Variants in EBF1 observed in about 807,000 individuals in gnomAD.
EBF1 encodes EBF transcription factor 1, also known as transcription factor COE1.
Under a neutral mutation model 68.4 loss-of-function variants are expected in EBF1, and 10 were observed. The ratio of observed to expected loss-of-function variants is 0.15; its 90% CI spans 0.09 to 0.25. The LOEUF is 0.25. EBF1 is among the 10% of genes least tolerant of loss of function. EBF1 has a pLI of 1.00. For missense variants in EBF1, 509 were observed against 794.4 expected (o/e 0.64, Z 4.32); for synonymous variants, 298 against 299.8 (o/e 0.99, Z 0.06).
intron 5 of EBF1, among the ~76,000 whole-genome samples, chr5:159,075,073 G>A (rs141345241): frequency 1.3e-4 from 20 of 152,256 alleles, no homozygotes; most frequent in African/African-American, 4.6e-4. Flanking sequence ...TAAGAACACT[G>A]GTTCTGAAAT....
At chr5:158,999,617 A>C (rs1219584162) in intron 6 of EBF1, among the ~76,000 whole-genome samples, 1 of 152,228 alleles carries the variant, frequency 6.6e-6, no homozygotes, top group Non-Finnish European at 1.5e-5. Flanking sequence ...AGTGTGTTCC[A>C]ATGTTGACAT....
At chr5:158,864,453 G>A (rs1336263546) in intron 6 of EBF1, among the ~76,000 whole-genome samples, 1 of 152,142 alleles carries the variant, frequency 6.6e-6, no homozygotes, top group Non-Finnish European at 1.5e-5. Flanking sequence ...GTCTAGAGTA[G>A]CTTTTCACCC....
At chr5:158,827,848 G>C (rs1344913075) in intron 7 of EBF1, among the ~76,000 whole-genome samples, 1 of 152,120 alleles carries the variant, frequency 6.6e-6, no homozygotes, top group African/African-American at 2.4e-5. Flanking sequence ...CACAGAATCA[G>C]AGCAAAGATT....
At chr5:158,947,636 C>T (rs74746413) in intron 6 of EBF1, among the ~76,000 whole-genome samples, 1,749 of 152,316 alleles carry the variant, frequency 0.011, 15 homozygotes, top group Non-Finnish European at 0.017. Flanking sequence ...TGTTCCTATT[C>T]GGCCATCTTG....
intron 7 of EBF1, among the ~76,000 whole-genome samples, chr5:158,825,486 T>C (rs1187960528): frequency 1.2e-5 from 1 of 83,614 alleles, no homozygotes; most frequent in Non-Finnish European, 2.5e-5. Flanking sequence ...ATGTCTGTCT[T>C]AGGAGGAAAA....
At chr5:158,859,579 T>A (rs1794632905) in intron 6 of EBF1, among the ~76,000 whole-genome samples, 1 of 152,194 alleles carries the variant, frequency 6.6e-6, no homozygotes, top group Non-Finnish European at 1.5e-5. Context: ...CTGACTACAC[T>A]TGGGACTATT....
At chr5:159,073,563 A>C in intron 5 of EBF1, 99 bp from the exon 6 acceptor site, 1 of 1,296,702 alleles carries the variant, frequency 7.7e-7, no homozygotes. Flanking sequence ...CAAATGCTAG[A>C]ATTACCACAA....
chr5:158,964,400 C>T (rs1386352789), intron 6 of EBF1, among the ~76,000 whole-genome samples: 2 of 152,098 alleles, frequency 1.3e-5, no homozygotes, highest in Non-Finnish European at 1.5e-5. Flanking sequence ...GTGTAGACAG[C>T]AAACCGAGTA....
chr5:158,908,571 C>A (rs1021367581), intron 6 of EBF1, among the ~76,000 whole-genome samples: 1 of 152,206 alleles, frequency 6.6e-6, no homozygotes, highest in Non-Finnish European at 1.5e-5. Flanking sequence ...GAAACAGCCT[C>A]GTCACAATGC....
chr5:158,780,787 A>T (rs1287647580), intron 9 of EBF1, among the ~76,000 whole-genome samples: 1 of 152,184 alleles, frequency 6.6e-6, no homozygotes, highest in Admixed American at 6.5e-5. Context: ...AGGAGTGATG[A>T]AAAGAGAAAC....
At chr5:158,719,243 C>T (rs1321806014) in intron 11 of EBF1, among the ~76,000 whole-genome samples, 1 of 152,046 alleles carries the variant, frequency 6.6e-6, no homozygotes, top group Non-Finnish European at 1.5e-5. Flanking sequence ...CTGGCTTGGA[C>T]TTACATTTTA....
At chr5:158,741,216 A>G (rs1319260758) in intron 10 of EBF1, among the ~76,000 whole-genome samples, 2 of 152,184 alleles carry the variant, frequency 1.3e-5, no homozygotes, top group African/African-American at 2.4e-5. Context: ...TTCACGTGGC[A>G]CTTTTTTTTG....
chr5:158,756,823 G>C (rs920469009), intron 10 of EBF1, among the ~76,000 whole-genome samples: 1 of 152,048 alleles, frequency 6.6e-6, no homozygotes, highest in African/African-American at 2.4e-5. Flanking sequence ...GCCACGGTTT[G>C]TGTGTGCCTA....
At chr5:158,729,976 G>C (rs558162819) in intron 11 of EBF1, among the ~76,000 whole-genome samples, 1 of 152,184 alleles carries the variant, frequency 6.6e-6, no homozygotes, top group Admixed American at 6.5e-5. Flanking sequence ...GCCAGCACAC[G>C]GGTAGGATTT....
intron 9 of EBF1, among the ~76,000 whole-genome samples, chr5:158,781,364 C>CT (rs1206496422): frequency 2.0e-5 from 3 of 151,476 alleles, no homozygotes; most frequent in African/African-American, 4.8e-5. Context: ...GTTTTGTCTT[C>CT]TTTTTTTTTC....
At chr5:158,781,042 T>C (rs903372546) in intron 9 of EBF1, among the ~76,000 whole-genome samples, 2 of 152,214 alleles carry the variant, frequency 1.3e-5, no homozygotes, top group Admixed American at 6.5e-5. Context: ...TTCCCTTCCT[T>C]GGAACACTCC....
At chr5:158,920,737 C>T (rs1184383381) in intron 6 of EBF1, among the ~76,000 whole-genome samples, 2 of 152,172 alleles carry the variant, frequency 1.3e-5, no homozygotes. Context: ...AGCCACTGCA[C>T]TTGGCTCCAT....
intron 6 of EBF1, among the ~76,000 whole-genome samples, chr5:158,855,268 C>T (rs1793751321): frequency 6.6e-6 from 1 of 152,250 alleles, no homozygotes; most frequent in African/African-American, 2.4e-5. Context: ...ACCTTTTAAA[C>T]TGTGCATCAC....
chr5:158,803,950 C>CTGTGTG lies in EBF1; in HGVS notation c.779-7481_779-7476dup, dbSNP rs10581149. ...ATATGAAAAAGAGTCGTGTGTGTGT[C>CTGTGTG]TGTGTGTGTGTGTGTGTGTGTGTGT... On this transcript the variant is annotated intron_variant, in intron 8 of 15. Transcript: ENST00000313708. Among the ~76,000 whole-genome samples, 115 of 131,494 alleles carry CTGTGTG rather than the reference C, an allele frequency of 8.7e-4. 1 individual carries two copies. Among genetic ancestry groups the CTGTGTG allele is most frequent in the African/African-American group, 2.9e-3 (100 of 34,442 alleles). 86.3% of individuals were successfully genotyped at this position (131,494 alleles called of 152,430 possible).
Sources: allele counts gnomAD v4.1 joint callset (sites outside exome capture counted in the v4.1 genomes callset), GRCh38; gene constraint gnomAD v4.1.1; transcripts MANE v1.5; gene names NCBI Gene and HGNC (gene_info 2026-07-23, HGNC 2026-07-21).